The following TSPAN14 variants were observed in gnomAD, a reference collection of about 807,000 sequenced individuals.
The protein encoded by TSPAN14 is tetraspanin 14.
A neutral mutation model predicts 36.6 loss-of-function variants in TSPAN14; 16 were observed. That is an observed-to-expected ratio of 0.44 (90% CI 0.30 to 0.66). TSPAN14 has a LOEUF of 0.66. Ranked by LOEUF, TSPAN14 falls within the 30% of genes least tolerant of loss-of-function variation. The pLI, the probability that TSPAN14 is intolerant of heterozygous loss-of-function variation, is 0.12. For missense variants in TSPAN14, 231 were observed against 355.1 expected, an observed-to-expected ratio of 0.65 and a Z score of 2.81; for synonymous variants, 139 against 143.8, an observed-to-expected ratio of 0.97 and a Z score of 0.24.
chr10:80,465,598 T>G (rs1564709992), intron 1 of TSPAN14, among the ~76,000 whole-genome samples: 1 of 152,180 alleles, frequency 6.6e-6, no homozygotes, highest in Non-Finnish European at 1.5e-5. Flanking sequence ...CCCCTCTTAC[T>G]GGATCAGAAA....
chr10:80,492,700 C>T (rs1396192197), intron 2 of TSPAN14, among the ~76,000 whole-genome samples: 5 of 152,028 alleles, frequency 3.3e-5, no homozygotes, highest in Non-Finnish European at 7.4e-5. Context: ...CCTGTAGCCC[C>T]AGCTACTCAG....
At chr10:80,482,195 C>G (rs1847315508) in intron 1 of TSPAN14, among the ~76,000 whole-genome samples, 1 of 152,168 alleles carries the variant, frequency 6.6e-6, no homozygotes, top group Non-Finnish European at 1.5e-5. Flanking sequence ...GTAGTTGATT[C>G]TTAGATTATG....
chr10:80,508,810 A>G (rs1187350801), intron 4 of TSPAN14, among the ~76,000 whole-genome samples: 1 of 152,204 alleles, frequency 6.6e-6, no homozygotes, highest in African/African-American at 2.4e-5. Flanking sequence ...GAGGTAACAG[A>G]TACGTAGGCA....
chr10:80,498,265 C>T (rs73305183), intron 2 of TSPAN14, among the ~76,000 whole-genome samples: 1 of 152,116 alleles, frequency 6.6e-6, no homozygotes, highest in African/African-American at 2.4e-5. Flanking sequence ...CTGGGGTTTC[C>T]GTCTGGTGTA....
Position 80,462,212 on chromosome 10 carries a change from T to A in TSPAN14, c.-18+7841T>A, listed in dbSNP as rs189388698. Reference sequence around the variant, plus strand: ...CATATTTAGCAGTCTTCAGAAAGCATCTTATTCTGTAAGGGGAACCAAATA... The same window carrying A: ...CATATTTAGCAGTCTTCAGAAAGCAACTTATTCTGTAAGGGGAACCAAATA... On this transcript the variant is annotated intron_variant, in intron 1 of 8. Coordinates refer to ENST00000429989, the Ensembl canonical transcript of TSPAN14. Among the ~76,000 whole-genome samples, 18 of 152,286 alleles carry A rather than the reference T, an allele frequency of 1.2e-4. No homozygotes were observed. The East Asian group carries it at 3.3e-3, about 28-fold the overall frequency.
chr10:80,501,762 C>T (rs1366722351), intron 2 of TSPAN14, among the ~76,000 whole-genome samples: 1 of 152,200 alleles, frequency 6.6e-6, no homozygotes, highest in Non-Finnish European at 1.5e-5. Context: ...CACATTTGCT[C>T]TGAATGCCTT....
intron 1 of TSPAN14, among the ~76,000 whole-genome samples, chr10:80,467,588 C>G (rs1326205397): frequency 6.6e-6 from 1 of 152,204 alleles, no homozygotes; most frequent in East Asian, 1.9e-4. Flanking sequence ...TAATCTAACT[C>G]CACTACCTGG....
chr10:80,512,010 G>A (rs551021161), intron 5 of TSPAN14, 134 bp from the exon 6 acceptor site: 26 of 1,386,236 alleles, frequency 1.9e-5, no homozygotes, highest in Non-Finnish European at 2.1e-5. Flanking sequence ...ATGGGAGGTA[G>A]GGGGCGGGCC....
chr10:80,509,624 T>C lies in TSPAN14; in HGVS notation c.450+153T>C. 1.3e-6 allele frequency: 1 copy of C among 763,640 alleles called. No homozygotes were observed. The highest frequency in any genetic ancestry group is 2.1e-6 in the Non-Finnish European group (1 of 487,396). 47.3% of individuals were successfully genotyped at this position (763,640 alleles called of 1,614,324 possible). Reference sequence around the variant, plus strand: ...GCCGTGGAACAAGCCACTCCACCTCTGGTCTGTTCCACTTTGCCGGCTTGT... The same window carrying C: ...GCCGTGGAACAAGCCACTCCACCTCCGGTCTGTTCCACTTTGCCGGCTTGT... On this transcript the variant is annotated intron_variant, in intron 5 of 8. Transcript: ENST00000429989. The surrounding 1 kb of genome is among the most constrained non-coding windows in gnomAD (Gnocchi z 4.7).
chr10:80,501,063 G>A (rs1350250539), intron 2 of TSPAN14, among the ~76,000 whole-genome samples: 1 of 151,458 alleles, frequency 6.6e-6, no homozygotes, highest in Non-Finnish European at 1.5e-5. Context: ...GCACCTCAGC[G>A]TGAATTCACA....
At chr10:80,521,264 T>A (rs1387123491) in exon 9 of TSPAN14, 3 of 165,362 alleles carry the variant, frequency 1.8e-5, no homozygotes, top group African/African-American at 7.2e-5. Context: ...AGACGACTGC[T>A]GAGAAAGGAG....
At chr10:80,471,619 T>G (rs1272222555) in intron 1 of TSPAN14, among the ~76,000 whole-genome samples, 1 of 152,240 alleles carries the variant, frequency 6.6e-6, no homozygotes, top group Non-Finnish European at 1.5e-5. Context: ...ACACGTGCAC[T>G]ATGCCTGCTT....
At chr10:80,482,145 A>G (rs1196762317) in intron 1 of TSPAN14, among the ~76,000 whole-genome samples, 3 of 152,212 alleles carry the variant, frequency 2.0e-5, no homozygotes, top group Non-Finnish European at 2.9e-5. Context: ...AACCTGACTT[A>G]AGGGCTGGGA....
At chr10:80,507,359 C>T in exon 4 of TSPAN14, 1 of 1,614,178 alleles carries the variant, frequency 6.2e-7, no homozygotes, top group Non-Finnish European at 8.5e-7. Flanking sequence ...GGGAGAATAT[C>T]TGCTTGCTCA....
intron 1 of TSPAN14, among the ~76,000 whole-genome samples, chr10:80,459,850 C>G (rs770535171): frequency 6.6e-6 from 1 of 152,170 alleles, no homozygotes; most frequent in Non-Finnish European, 1.5e-5. Flanking sequence ...AGGAGTGTGT[C>G]TGTCCCCAGT....
At chr10:80,456,732 A>G (rs1845750073) in intron 1 of TSPAN14, among the ~76,000 whole-genome samples, 1 of 152,238 alleles carries the variant, frequency 6.6e-6, no homozygotes, top group African/African-American at 2.4e-5. Context: ...CTTACACCCT[A>G]GAAGTTTGAC....
chr10:80,481,950 T>TA (rs1370863589), intron 1 of TSPAN14, among the ~76,000 whole-genome samples: 2 of 152,104 alleles, frequency 1.3e-5, no homozygotes, highest in Non-Finnish European at 2.9e-5. Context: ...AGATGGGGTT[T>TA]TACCATGTTA....
chr10:80,517,521 AGATTTATTATTTTGGG>A (rs2132070865), intron 8 of TSPAN14, among the ~76,000 whole-genome samples: 1 of 152,322 alleles, frequency 6.6e-6, no homozygotes, highest in East Asian at 1.9e-4. Flanking sequence ...GAAACATTCA[AGATTTATTATTTTGGG>A]AATGAGAACC....
At chr10:80,518,260 C>A in exon 9 of TSPAN14, 1 of 475,310 alleles carries the variant, frequency 2.1e-6, no homozygotes, top group East Asian at 3.8e-5. Context: ...AGAGAGGGCT[C>A]CTGTGGCTGC....
Sources: gnomAD v4.1 joint callset for allele counts (sites outside exome capture counted in the v4.1 genomes callset) on GRCh38, gnomAD v4.1.1 for gene constraint, Gnocchi (gnomAD v3.1) non-coding constraint, MANE v1.5 for transcripts, NCBI Gene and HGNC (gene_info 2026-07-23, HGNC 2026-07-21) for gene names.